FBXL17: variants seen among roughly 807,000 people sequenced by gnomAD.
The protein encoded by FBXL17 is F-box/LRR-repeat protein 17.
A neutral mutation model predicts 66.2 loss-of-function variants in FBXL17; 22 were observed. The ratio of observed to expected loss-of-function variants is 0.33; its 90% CI spans 0.24 to 0.47. The LOEUF is 0.47. FBXL17 is among the 20% of genes least tolerant of loss of function. The pLI, the probability that FBXL17 is intolerant of heterozygous loss-of-function variation, is 1.00. For missense variants in FBXL17, 878 were observed against 948.2 expected (o/e 0.93, Z 0.97); for synonymous variants, 474 against 400.5 (o/e 1.18, Z -2.19).
chr5:108,296,641 C>G (rs963274023), intron 4 of FBXL17, among the ~76,000 whole-genome samples: 1 of 151,676 alleles, frequency 6.6e-6, no homozygotes. Context: ...CCTTCTATAT[C>G]TAGTCTTAAA....
intron 4 of FBXL17, chr5:108,299,575 C>T (rs1297432231): frequency 1.0e-6 from 1 of 971,326 alleles, no homozygotes; most frequent in Non-Finnish European, 1.2e-6. Context: ...CAGAAAAGCT[C>T]CCTGGCGTTT....
chr5:108,233,740 C>T (rs1247172063), intron 4 of FBXL17, among the ~76,000 whole-genome samples: 1 of 152,166 alleles, frequency 6.6e-6, no homozygotes, highest in Non-Finnish European at 1.5e-5. Context: ...TAAGGAATGT[C>T]TGTTGTACTA....
intron 7 of FBXL17, among the ~76,000 whole-genome samples, chr5:107,976,019 C>T (rs955696242): frequency 6.6e-6 from 1 of 151,788 alleles, no homozygotes; most frequent in South Asian, 2.1e-4. Flanking sequence ...CCACCATGCC[C>T]GGCTAATTTT....
chr5:107,956,609 C>A (rs1374032979), intron 7 of FBXL17, among the ~76,000 whole-genome samples: 1 of 152,060 alleles, frequency 6.6e-6, no homozygotes, highest in African/African-American at 2.4e-5. Flanking sequence ...AGAAAATTTA[C>A]GTTAAGAGTC....
At chr5:108,150,160 C>G (rs993364011) in intron 6 of FBXL17, among the ~76,000 whole-genome samples, 1 of 152,136 alleles carries the variant, frequency 6.6e-6, no homozygotes, top group Non-Finnish European at 1.5e-5. Flanking sequence ...CATGCATCTC[C>G]TAAGTACTAG....
intron 4 of FBXL17, among the ~76,000 whole-genome samples, chr5:108,240,680 CTGATTG>C (rs1275037593): frequency 6.6e-5 from 10 of 152,266 alleles, no homozygotes; most frequent in African/African-American, 2.4e-4. Flanking sequence ...TGACCATCTA[CTGATTG>C]TAGAGTACTA....
chr5:108,286,664 G>A (rs192588146), intron 4 of FBXL17, among the ~76,000 whole-genome samples: 30 of 152,034 alleles, frequency 2.0e-4, no homozygotes, highest in African/African-American at 7.2e-4. Flanking sequence ...AACATTCCAT[G>A]CTCATAGTTA....
intron 4 of FBXL17, among the ~76,000 whole-genome samples, chr5:108,288,504 T>C (rs1010782071): frequency 6.9e-6 from 1 of 145,494 alleles, no homozygotes; most frequent in African/African-American, 2.5e-5. Context: ...AACCACAAGT[T>C]ACAAAAAGGA....
intron 7 of FBXL17, among the ~76,000 whole-genome samples, chr5:107,954,480 C>G (rs1751597279): frequency 6.6e-6 from 1 of 152,222 alleles, no homozygotes; most frequent in Non-Finnish European, 1.5e-5. Flanking sequence ...AGCACTGTTA[C>G]AGAGTGCAAG....
At chr5:108,077,178 A>T (rs1748585776) in intron 6 of FBXL17, among the ~76,000 whole-genome samples, 1 of 152,234 alleles carries the variant, frequency 6.6e-6, no homozygotes, top group African/African-American at 2.4e-5. Flanking sequence ...GTCTAATCTG[A>T]GATTCCTTAC....
At chr5:108,329,392 C>T (rs1315513853) in intron 4 of FBXL17, among the ~76,000 whole-genome samples, 4 of 152,052 alleles carry the variant, frequency 2.6e-5, no homozygotes, top group Non-Finnish European at 5.9e-5. Context: ...TAAAAGAAAA[C>T]AACTGCTTAA....
At chr5:108,182,271 C>T (rs975736622) in intron 6 of FBXL17, among the ~76,000 whole-genome samples, 13 of 152,140 alleles carry the variant, frequency 8.5e-5, no homozygotes, top group African/African-American at 2.7e-4. Flanking sequence ...ATAGGCTAAA[C>T]GCATTAGTGC....
intron 3 of FBXL17, among the ~76,000 whole-genome samples, chr5:108,357,549 T>C (rs778345932): frequency 7.2e-5 from 11 of 151,986 alleles, no homozygotes; most frequent in Non-Finnish European, 8.8e-5. Flanking sequence ...CTAACGCACA[T>C]GGAATATTCA....
At chr5:108,159,791 C>CTATCATA (rs1375937677) in intron 6 of FBXL17, among the ~76,000 whole-genome samples, 1 of 152,112 alleles carries the variant, frequency 6.6e-6, no homozygotes, top group Non-Finnish European at 1.5e-5. Context: ...TATCTCATTT[C>CTATCATA]TATCATATTT....
At chr5:108,267,402 C>G (rs979181357) in intron 4 of FBXL17, among the ~76,000 whole-genome samples, 45 of 151,998 alleles carry the variant, frequency 3.0e-4, no homozygotes, top group Middle Eastern at 3.4e-3. Flanking sequence ...AAGACATTAA[C>G]AAATTTAGGT....
chr5:108,064,639 A>C (rs1295499268), intron 6 of FBXL17, among the ~76,000 whole-genome samples: 1 of 152,226 alleles, frequency 6.6e-6, no homozygotes, highest in Non-Finnish European at 1.5e-5. Flanking sequence ...ACTCCTTTAT[A>C]ATGTGACTTT....
intron 7 of FBXL17, among the ~76,000 whole-genome samples, chr5:107,922,391 T>A (rs1303513326): frequency 6.6e-6 from 1 of 152,188 alleles, no homozygotes; most frequent in African/African-American, 2.4e-5. Context: ...TTGGTAAAGA[T>A]GATGTTGAGT....
chr5:108,136,909 TATTA>T (rs1401335834), intron 6 of FBXL17, among the ~76,000 whole-genome samples: 2 of 152,170 alleles, frequency 1.3e-5, no homozygotes, highest in African/African-American at 2.4e-5. Flanking sequence ...GATTTTAACT[TATTA>T]ATTACTTCAA....
In FBXL17 at chr5:108,381,712, GGACCGGGACGGGAGGGAGGGA is replaced by G. The variant is rs1580942279; in HGVS notation, c.-42_-22del. 8.4e-6 allele frequency: 12 copies of G among 1,433,948 alleles called. No homozygotes were observed. The highest frequency in any genetic ancestry group is 1.1e-5 in the Non-Finnish European group (12 of 1,100,006). The allele number at this position is 1,433,948 out of a possible 1,614,324, so 88.8% of individuals were successfully genotyped here. A position where few individuals can be genotyped will look rare whatever the true frequency, so the allele number is the denominator to read the frequency against. ...CCCATATAGAAGGCCCCGAGGAGGG[GGACCGGGACGGGAGGGAGGGA>G]GACCCAGAGAGGCGGGCTCCCGGCA... On this transcript the variant is annotated 5_prime_UTR_variant, in exon 1 of 9. Transcript: ENST00000542267.
Sources: gnomAD v4.1 joint callset for allele counts (sites outside exome capture counted in the v4.1 genomes callset) on GRCh38, gnomAD v4.1.1 for gene constraint, MANE v1.5 for transcripts, NCBI Gene and HGNC (gene_info 2026-07-23, HGNC 2026-07-21) for gene names.